Variants in HM13 observed in about 807,000 individuals in gnomAD.
The protein encoded by HM13 is signal peptide peptidase.
HM13 carries 18 observed loss-of-function variants against 50.0 expected under a neutral mutation model. The ratio of observed to expected loss-of-function variants is 0.36; its 90% CI spans 0.25 to 0.53. The LOEUF (loss-of-function observed/expected upper bound fraction) is 0.53. HM13 is among the 20% of genes least tolerant of loss of function. The pLI, the probability that HM13 is intolerant of heterozygous loss-of-function variation, is 0.90. For missense variants in HM13, 393 were observed against 552.4 expected (o/e 0.71, Z 2.89); for synonymous variants, 197 against 232.6 (o/e 0.85, Z 1.39).
chr20:31,538,281 C>T lies in HM13; in HGVS notation c.365+20C>T. ...CATCAGGTCAGAAGGCATCTCTCTG[C>T]AACATTTGAAGCAGCTTTCTCGGGA... On this transcript the variant is annotated intron_variant, in intron 3 of 12. Coordinates refer to ENST00000398174, the MANE Select transcript of HM13 (RefSeq NM_178581.3). 6.2e-7 allele frequency: 1 copy of T among 1,614,192 alleles called. No homozygotes were observed. Among genetic ancestry groups the T allele is most frequent in the Non-Finnish European group, 8.5e-7 (1 of 1,180,028 alleles).
At chr20:31,568,896 C>T (rs1457184455) in intron 12 of HM13, among the ~76,000 whole-genome samples, 1 of 152,238 alleles carries the variant, frequency 6.6e-6, no homozygotes, top group Non-Finnish European at 1.5e-5. Context: ...TTGCTGCCTC[C>T]TGGTACCCCC....
chr20:31,527,854 G>T, intron 2 of HM13: 1 of 341,910 alleles, frequency 2.9e-6, no homozygotes, highest in East Asian at 5.2e-5. Flanking sequence ...GTTGGGATGG[G>T]GTATAGCTTG....
chr20:31,514,464 C>T lies in HM13; in HGVS notation c.-88C>T, dbSNP rs1568774710. On this transcript the variant is annotated 5_prime_UTR_variant, in exon 1 of 13. The change creates a new upstream start codon in the 5' untranslated region. Coordinates refer to ENST00000398174, the MANE Select transcript of HM13 (RefSeq NM_178581.3). The surrounding 1 kb of genome is among the most constrained non-coding windows in gnomAD (Gnocchi z 4.3). ...GTCACTTCCTGTTGCCTTAGGGGAA[C>T]GTGGCTTTCCCTGCAGAGCCGGTGT... 2 of 1,422,864 alleles carry T rather than the reference C, an allele frequency of 1.4e-6. No homozygotes were observed. Among genetic ancestry groups the T allele is most frequent in the African/African-American group, 1.4e-5 (1 of 70,628 alleles). 88.1% of individuals were successfully genotyped at this position (1,422,864 alleles called of 1,614,324 possible). A position where few individuals can be genotyped will look rare whatever the true frequency, so the allele number is the denominator to read the frequency against.
chr20:31,556,324 C>T (rs1409289415), intron 8 of HM13, among the ~76,000 whole-genome samples: 3 of 152,080 alleles, frequency 2.0e-5, no homozygotes, highest in Non-Finnish European at 4.4e-5. Flanking sequence ...CAGGCATGAG[C>T]CACCACGCCT....
intron 10 of HM13, 70 bp downstream of exon 10, chr20:31,561,806 T>G: frequency 9.0e-7 from 1 of 1,109,438 alleles, no homozygotes; most frequent in Non-Finnish European, 1.4e-6. Flanking sequence ...AGGGATTTAT[T>G]TGTAAATGCA....
At position 31,524,710 on chromosome 20, in the gene HM13, CTTTT is replaced by C. The variant is rs1156549702; in HGVS notation, c.184-2755_184-2752del. On this transcript the variant is annotated intron_variant, in intron 1 of 12. Coordinates refer to ENST00000398174, the MANE Select transcript of HM13 (RefSeq NM_178581.3). ...GCCATTTGTAGTTCTTGTTGTGTGG[CTTTT>C]TTTTTTTTTTTTTTTTTTAGATGGA... 7.8e-3 allele frequency among the ~76,000 whole-genome samples: 859 copies of C among 110,738 alleles called. 11 individuals are homozygous for C. Among genetic ancestry groups the C allele is most frequent in the African/African-American group, 0.028 (820 of 29,396 alleles). The allele number at this position is 110,738 out of a possible 152,430, so 72.6% of individuals were successfully genotyped here.
intron 2 of HM13, among the ~76,000 whole-genome samples, chr20:31,530,496 C>T (rs1483648976): frequency 4.0e-5 from 6 of 151,800 alleles, no homozygotes; most frequent in Non-Finnish European, 5.9e-5. Context: ...ATGCAACCTC[C>T]GCCTCCCTAG....
At chr20:31,542,748 A>T (rs192082155) in intron 3 of HM13, among the ~76,000 whole-genome samples, 2 of 152,290 alleles carry the variant, frequency 1.3e-5, no homozygotes, top group East Asian at 3.9e-4. Context: ...TGCTACTTGA[A>T]GTTGAAGCTG....
chr20:31,554,329 TC>T (rs1984184697), intron 7 of HM13, among the ~76,000 whole-genome samples: 1 of 149,822 alleles, frequency 6.7e-6, no homozygotes, highest in African/African-American at 2.5e-5. Context: ...GCCACTGCAC[TC>T]CCGATTACAG....
At chr20:31,559,503 T>C in intron 8 of HM13, 108 bp from the exon 9 acceptor site, 1 of 1,079,896 alleles carries the variant, frequency 9.3e-7, no homozygotes, top group Non-Finnish European at 1.4e-6. Flanking sequence ...TGGTCTCCAA[T>C]GATTGCTCCA....
At chr20:31,556,351 A>G (rs1984316208) in intron 8 of HM13, among the ~76,000 whole-genome samples, 2 of 152,028 alleles carry the variant, frequency 1.3e-5, no homozygotes, top group South Asian at 2.1e-4. Flanking sequence ...CCCCGTCTAT[A>G]TTTTTTAAAA....
intron 11 of HM13, among the ~76,000 whole-genome samples, chr20:31,566,528 C>A (rs1000052074): frequency 9.2e-5 from 14 of 152,242 alleles, no homozygotes; most frequent in Admixed American, 2.6e-4. Flanking sequence ...CTCTAGGCAT[C>A]CCCCATCCAA....
At chr20:31,534,072 G>A (rs1982973144) in intron 2 of HM13, among the ~76,000 whole-genome samples, 1 of 139,608 alleles carries the variant, frequency 7.2e-6, no homozygotes, top group Admixed American at 6.8e-5. Flanking sequence ...TAGAGATGGG[G>A]TCTTGCCATG....
chr20:31,547,692 C>T (rs759407477), intron 4 of HM13: 21 of 1,360,940 alleles, frequency 1.5e-5, no homozygotes, highest in East Asian at 2.3e-5. Context: ...AAATCCTTAC[C>T]GTAAGTGGGG....
chr20:31,552,340 A>G (rs1984077641), intron 7 of HM13, among the ~76,000 whole-genome samples: 1 of 152,216 alleles, frequency 6.6e-6, no homozygotes, highest in Non-Finnish European at 1.5e-5. Flanking sequence ...GCAGAGAATC[A>G]GGGAGTGGGC....
chr20:31,537,945 C>T (rs1600638619), intron 2 of HM13, among the ~76,000 whole-genome samples: 1 of 152,176 alleles, frequency 6.6e-6, no homozygotes, highest in African/African-American at 2.4e-5. Context: ...AATGGAGCCA[C>T]TAAATGTAAA....
chr20:31,553,153 A>T (rs140085526), intron 7 of HM13, among the ~76,000 whole-genome samples: 474 of 150,652 alleles, frequency 3.1e-3, no homozygotes, highest in African/African-American at 0.011. Flanking sequence ...AAAATTAGCC[A>T]GGCATGGTGG....
chr20:31,536,921 C>T lies in HM13; in HGVS notation c.283-1258C>T, dbSNP rs534681387. 1.4e-4 allele frequency among the ~76,000 whole-genome samples: 22 copies of T among 152,366 alleles called. No individual in the cohort carries two copies. The East Asian group carries it at 4.2e-3, about 29-fold the overall frequency. Reference sequence around the variant, plus strand: ...GTAACTGTTTCTTTCGAGATTCTTTCTCCCTCACTGGCCCATGACCTCTAG... The same window carrying T: ...GTAACTGTTTCTTTCGAGATTCTTTTTCCCTCACTGGCCCATGACCTCTAG... On this transcript the variant is annotated intron_variant, in intron 2 of 12. Coordinates refer to ENST00000398174, the MANE Select transcript of HM13 (RefSeq NM_178581.3).
Position 31,569,311 on chromosome 20 carries a change from A to C in HM13, c.*92A>C. The C allele has an allele frequency of 1.2e-6, 1 of 854,342 alleles. No homozygotes were observed. The highest frequency in any genetic ancestry group is 1.5e-5 in the South Asian group (1 of 66,262). The allele number at this position is 854,342 out of a possible 1,614,324, so 52.9% of individuals were successfully genotyped here. A position where few individuals can be genotyped will look rare whatever the true frequency, so the allele number is the denominator to read the frequency against. ...CACCGGTAGAGGGCACAGGAGGCCA[A>C]GGGCAGCTCCAGGACAGGGCAGGGG... On this transcript the variant is annotated 3_prime_UTR_variant, in exon 13 of 13. Coordinates refer to ENST00000398174, the MANE Select transcript of HM13 (RefSeq NM_178581.3).
Sources: allele counts gnomAD v4.1 joint callset (sites outside exome capture counted in the v4.1 genomes callset), GRCh38; gene constraint gnomAD v4.1.1; non-coding constraint Gnocchi (gnomAD v3.1); transcripts MANE v1.5; gene names NCBI Gene and HGNC (gene_info 2026-07-23, HGNC 2026-07-21).